Variants in GSTM4 observed in about 807,000 individuals in gnomAD.
GSTM4 encodes glutathione S-transferase mu 4, also known as GST class-mu 4.
In GSTM4, 27 loss-of-function variants were observed where a neutral mutation model predicts 30.1. The observed-to-expected ratio is 0.90, with a 90% CI of 0.66 to 1.24. The LOEUF (loss-of-function observed/expected upper bound fraction) is 1.24, where lower values mean the gene tolerates loss of function less well. Ranked by LOEUF, GSTM4 falls within the 50% of genes most tolerant of loss-of-function variation. The pLI, the probability that GSTM4 is intolerant of heterozygous loss-of-function variation, is 0.00. For synonymous variants in GSTM4, 94 were observed against 96.2 expected (o/e 0.98, Z 0.13); for missense variants, 238 against 272.1 (o/e 0.87, Z 0.88).
chr1:109,667,626 G>C (rs921794494), downstream of GSTM4, among the ~76,000 whole-genome samples: 22 of 152,194 alleles, frequency 1.4e-4, 1 homozygote. Context: ...CGTTAGGTCT[G>C]TCATGCCACG....
downstream of GSTM4, among the ~76,000 whole-genome samples, chr1:109,664,591 C>G (rs988295377): frequency 4.6e-5 from 7 of 151,782 alleles, no homozygotes; most frequent in Non-Finnish European, 7.4e-5. Context: ...AACTCCTGAC[C>G]TCACGTGATT....
At chr1:109,665,129 T>C, downstream of GSTM4, 1 of 828,340 alleles carries the variant, frequency 1.2e-6, no homozygotes, top group Non-Finnish European at 2.1e-6. Flanking sequence ...GAGATTTGCC[T>C]TTGAATCAGA....
At chr1:109,664,008 C>T (rs1193606266), downstream of GSTM4, among the ~76,000 whole-genome samples, 2 of 152,192 alleles carry the variant, frequency 1.3e-5, no homozygotes, top group Non-Finnish European at 2.9e-5. Flanking sequence ...TGGGCACATA[C>T]ACTCTTAGGT....
rs1005876188 is a variant in GSTM4 at position 109,658,194 on chromosome 1, C to T, written c.360+322C>T. On this transcript the variant is annotated intron_variant, in intron 5 of 7. Transcript: ENST00000369836. ...ATGCCATCTGCCTGTTCGGGGAATACGCAGACTCACACTATGGGGTAAAGA... is the reference window on the plus strand; with the variant it reads ...ATGCCATCTGCCTGTTCGGGGAATATGCAGACTCACACTATGGGGTAAAGA... 27 of 380,696 alleles carry T rather than the reference C, an allele frequency of 7.1e-5. No homozygotes were observed. The Admixed American group carries it at 7.2e-4, about 10-fold the overall frequency. 23.6% of individuals were successfully genotyped at this position (380,696 alleles called of 1,614,324 possible). A position where few individuals can be genotyped will look rare whatever the true frequency, so the allele number is the denominator to read the frequency against.
downstream of GSTM4, among the ~76,000 whole-genome samples, chr1:109,665,899 C>CT (rs1320299886): frequency 6.6e-6 from 1 of 152,132 alleles, no homozygotes; most frequent in African/African-American, 2.4e-5. Flanking sequence ...GGGGCTGCCT[C>CT]TGGTGACTAG....
chr1:109,657,652 T>G lies in GSTM4; in HGVS notation c.240T>G (p.Ile80Met), dbSNP rs752098605. The G allele has an allele frequency of 1.2e-6, 2 of 1,614,232 alleles. No homozygotes were observed. The highest frequency in any genetic ancestry group is 1.7e-6 in the Non-Finnish European group (2 of 1,180,034). ...AGAGCAACGCCATCCTGTGCTACAT[T>G]GCCCGCAAGCACAACCTGTGTGAGT... ...ITQSNAILCYIARKHNLCGET... is the reference protein window; with the variant it reads ...ITQSNAILCYMARKHNLCGET... The change falls in exon 4 of 8, where the codon ATT becomes ATG. Residue 80 changes from isoleucine (I) to methionine (M), a missense_variant. Physicochemically the swap from Ile to Met is conservative, Grantham distance 10 (BLOSUM62 1). Coordinates refer to ENST00000369836, the MANE Select transcript of GSTM4 (RefSeq NM_000850.5).
chr1:109,657,999 T>G, intron 5 of GSTM4, 127 bp downstream of exon 5: 1 of 727,906 alleles, frequency 1.4e-6, no homozygotes, highest in Non-Finnish European at 2.3e-6. Context: ...GCAGAGTGAC[T>G]GTCATATCAT....
chr1:109,657,416 C>T lies in GSTM4; in HGVS notation c.177+137C>T, dbSNP rs572600766. ...TCACTCCTGGTTGTCTACACAGCCC[C>T]TGCATGATGTTCTGTGTCCCAGCTC... On this transcript the variant is annotated intron_variant, in intron 3 of 7. Coordinates refer to ENST00000369836, the MANE Select transcript of GSTM4 (RefSeq NM_000850.5). 1.3e-4 allele frequency: 178 copies of T among 1,408,334 alleles called. No homozygotes were observed. The African/African-American group carries it at 1.5e-3, about 12-fold the overall frequency. 87.2% of individuals were successfully genotyped at this position (1,408,334 alleles called of 1,614,324 possible).
chr1:109,657,347 C>T (rs2101217151), intron 3 of GSTM4, 68 bp downstream of exon 3: 3 of 1,589,776 alleles, frequency 1.9e-6, no homozygotes, highest in Non-Finnish European at 2.6e-6. Flanking sequence ...CTCCTCTCCC[C>T]AGATTAGAGG....
At chr1:109,662,988 A>G (rs750046418), downstream of GSTM4, among the ~76,000 whole-genome samples, 6 of 152,244 alleles carry the variant, frequency 3.9e-5, no homozygotes, top group Non-Finnish European at 7.3e-5. Context: ...ATGAACAAAT[A>G]AACTGTGGTT....
chr1:109,656,582 G>A, intron 1 of GSTM4, 130 bp from the exon 2 acceptor site: 1 of 730,458 alleles, frequency 1.4e-6, no homozygotes, highest in Non-Finnish European at 2.4e-6. Flanking sequence ...GTGTGTGTGT[G>A]TGTGTGTGCG....
intron 6 of GSTM4, 25 bp from the exon 7 acceptor site, chr1:109,658,975 C>T (rs1202218394): frequency 5.6e-6 from 9 of 1,613,154 alleles, no homozygotes; most frequent in Non-Finnish European, 7.6e-6. Context: ...GAGATTCCAG[C>T]CCACACATTC....
downstream of GSTM4, among the ~76,000 whole-genome samples, chr1:109,663,175 G>A (rs553646253): frequency 6.6e-6 from 1 of 152,324 alleles, no homozygotes; most frequent in East Asian, 1.9e-4. Context: ...TCAGGAGAGG[G>A]AAATGAGTCC....
At chr1:109,666,261 T>C (rs546961708), downstream of GSTM4, among the ~76,000 whole-genome samples, 1 of 152,072 alleles carries the variant, frequency 6.6e-6, no homozygotes, top group Non-Finnish European at 1.5e-5. Context: ...CCAGCTAATT[T>C]TCGTATATTT....
downstream of GSTM4, among the ~76,000 whole-genome samples, chr1:109,662,628 C>T (rs1448999599): frequency 6.6e-6 from 1 of 152,126 alleles, no homozygotes; most frequent in Non-Finnish European, 1.5e-5. Flanking sequence ...AATGAATATC[C>T]AAATTGCCAA....
At chr1:109,663,666 CA>C (rs1250144755), downstream of GSTM4, among the ~76,000 whole-genome samples, 1 of 147,688 alleles carries the variant, frequency 6.8e-6, no homozygotes, top group Non-Finnish European at 1.5e-5. Flanking sequence ...GACTCCGTCT[CA>C]AAAAGAAAAA....
At chr1:109,657,387 C>T (rs535890807) in intron 3 of GSTM4, 108 bp downstream of exon 3, 9 of 1,473,912 alleles carry the variant, frequency 6.1e-6, no homozygotes, top group Admixed American at 1.7e-5. Flanking sequence ...CTGCCCAATT[C>T]CTCTCACTCC....
Position 109,657,295 on chromosome 1 carries a change from G to A in GSTM4, c.177+16G>A, listed in dbSNP as rs756877020. 3 of 1,612,014 alleles carry A rather than the reference G, an allele frequency of 1.9e-6. No homozygotes were observed. Among genetic ancestry groups the A allele is most frequent in the Non-Finnish European group, 2.5e-6 (3 of 1,179,656 alleles). ...CTTTCCCAATGTAGGTGCAGGGGAA[G>A]GGGCGGTTTTGGGGGAAAGTGCGAC... On this transcript the variant is annotated intron_variant, in intron 3 of 7. Transcript: ENST00000369836.
chr1:109,656,727 C>G lies in GSTM4; in HGVS notation c.52C>G (p.Arg18Gly), dbSNP rs534135982. 6.2e-7 allele frequency: 1 copy of G among 1,614,018 alleles called. No homozygotes were observed. Among genetic ancestry groups the G allele is most frequent in the African/African-American group, 1.3e-5 (1 of 75,006 alleles). Residue 18 changes from arginine to glycine, a missense_variant, in exon 2 of 8, where the codon CGC (arginine) becomes GGC (glycine). Physicochemically the swap from Arg to Gly is moderately radical, Grantham distance 125. Transcript: ENST00000369836. Reference protein sequence around the residue: ...WDIRGLAHAIRLLLEYTDSSY... With the variant: ...WDIRGLAHAIGLLLEYTDSSY... ...TCTCTTCCAGCTGGCCCACGCCATC[C>G]GCCTGCTCCTGGAATACACAGACTC...
Sources: gnomAD v4.1 joint callset for allele counts (sites outside exome capture counted in the v4.1 genomes callset) on GRCh38, gnomAD v4.1.1 for gene constraint, MANE v1.5 for transcripts, NCBI Gene and HGNC (gene_info 2026-07-23, HGNC 2026-07-21) for gene names.